Variants in MAN2B2 observed in about 807,000 individuals in gnomAD.
The protein encoded by MAN2B2 is mannosidase alpha class 2B member 2.
A neutral mutation model predicts 117.1 loss-of-function variants in MAN2B2; 106 were observed. That is an observed-to-expected ratio of 0.90 (90% CI 0.77 to 1.06). The LOEUF is 1.06. Ranked by LOEUF, MAN2B2 falls within the 50% of genes least tolerant of loss-of-function variation. MAN2B2 has a pLI of 0.00. For missense variants in MAN2B2, 1,326 were observed against 1,381.4 expected (o/e 0.96, Z 0.64); for synonymous variants, 544 against 595.1 (o/e 0.91, Z 1.25).
rs918094252 is a variant in MAN2B2 at position 6,594,576 on chromosome 4, A to C, written c.901A>C (p.Asn301His). The C allele has an allele frequency of 6.2e-7, 1 of 1,613,580 alleles. No individual in the cohort carries two copies. Among genetic ancestry groups the C allele is most frequent in the Non-Finnish European group, 8.5e-7 (1 of 1,180,040 alleles). Residue 301 changes from asparagine (N) to histidine (H), a missense_variant, in exon 7 of 19, where the codon AAC becomes CAC. Asn to His is a moderately conservative substitution (Grantham distance 68). Coordinates refer to ENST00000285599, the MANE Select transcript of MAN2B2 (RefSeq NM_015274.3). ...CTTCAATGCCTCGGTGCAGTTTGCC[A>C]ACATGGACCCGCTGCTGGACCACAT... Reference protein sequence around the residue: ...QFFNASVQFANMDPLLDHINS... With the variant: ...QFFNASVQFAHMDPLLDHINS...
chr4:6,609,694 G>A (rs975296190), intron 12 of MAN2B2, 104 bp from the exon 13 acceptor site: 58 of 1,329,298 alleles, frequency 4.4e-5, no homozygotes, highest in Non-Finnish European at 5.6e-5. Context: ...GCCTTTCGGC[G>A]TACCCTGCCC....
rs757099915 is a variant in MAN2B2, at chr4:6,598,259, C to A, written c.1310C>A (p.Thr437Lys). 6.2e-7 allele frequency: 1 copy of A among 1,613,774 alleles called. No homozygotes were observed. The highest frequency in any genetic ancestry group is 8.5e-7 in the Non-Finnish European group (1 of 1,180,034). ...ESPKVRDMYATHLASGMLGMR... is the reference protein window; with the variant it reads ...ESPKVRDMYAKHLASGMLGMR... The stretch of plus-strand genomic sequence containing the variant: ...CCCAAGGTGAGAGACATGTACGCAA[C>A]GCACCTGGCCTCGGGGATGCTGGGC... The change falls in exon 9 of 19, where the codon ACG becomes AAG. Residue 437 changes from threonine (T) to lysine (K), a missense_variant. By Grantham distance (78) the Thr-to-Lys change is moderately conservative (BLOSUM62 -1). Transcript: ENST00000285599.
At position 6,615,445 on chromosome 4, in the gene MAN2B2, G is replaced by A. The variant is rs930703046; in HGVS notation, c.2701+1090G>A. ...CAAACCTCTTGGCTTTTGTGATCTT[G>A]GGCAGTCATTCCCCTGTGCCATTCT... On this transcript the variant is annotated intron_variant, in intron 16 of 18. Coordinates refer to ENST00000285599, the MANE Select transcript of MAN2B2 (RefSeq NM_015274.3). Among the ~76,000 whole-genome samples, 3 of 152,000 alleles carry A rather than the reference G, an allele frequency of 2.0e-5. No individual in the cohort carries two copies. In the East Asian group the frequency reaches 5.8e-4, roughly 30 times the overall value.
Position 6,576,724 on chromosome 4 carries a change from G to T in MAN2B2, c.285G>T (p.Gln95His). The change falls in exon 2 of 19, where the codon CAG becomes CAT. Residue 95 changes from glutamine to histidine, a missense_variant and splice_region_variant. By Grantham distance (24) the Gln-to-His change is conservative. Coordinates refer to ENST00000285599, the MANE Select transcript of MAN2B2 (RefSeq NM_015274.3). ...DGVASDQQKY[Q>H]VRQLLEEGRL... ...TCGCCTCGGACCAGCAGAAATACCA[G>T]GTAATGAGGTCACCAGGTGACACAG... The T allele has an allele frequency of 6.2e-7, 1 of 1,613,754 alleles. No homozygotes were observed. Among genetic ancestry groups the T allele is most frequent in the Non-Finnish European group, 8.5e-7 (1 of 1,179,848 alleles).
intron 17 of MAN2B2, chr4:6,618,433 T>A (rs1712000445): frequency 6.6e-6 from 1 of 152,238 alleles, no homozygotes; most frequent in Non-Finnish European, 1.5e-5. Context: ...TACGGGGGCA[T>A]CTCCGGCACC....
Position 6,608,406 on chromosome 4 carries a change from C to T in MAN2B2, c.1815-701C>T, listed in dbSNP as rs1225132637. The stretch of plus-strand genomic sequence containing the variant: ...TGTCCGCCCACAGCCAGGCCAGACT[C>T]AGATACAAATACATCACTTGTGCAC... On this transcript the variant is annotated intron_variant, in intron 11 of 18. Coordinates refer to ENST00000285599, the MANE Select transcript of MAN2B2 (RefSeq NM_015274.3). Among the ~76,000 whole-genome samples, 5 of 152,334 alleles carry T rather than the reference C, an allele frequency of 3.3e-5. No individual in the cohort carries two copies. In the East Asian group the frequency reaches 9.6e-4, roughly 29 times the overall value.
At chr4:6,582,086 G>T (rs1450214638) in intron 3 of MAN2B2, among the ~76,000 whole-genome samples, 6 of 152,022 alleles carry the variant, frequency 3.9e-5, no homozygotes, top group Admixed American at 3.3e-4. Context: ...ATCCTGAGGG[G>T]AGAGAGCCCA....
intron 3 of MAN2B2, among the ~76,000 whole-genome samples, chr4:6,579,192 G>T (rs150724009): frequency 4.5e-3 from 23 of 5,116 alleles, no homozygotes; most frequent in South Asian, 0.016. Flanking sequence ...ACCATCACCA[G>T]CACCACCACC....
chr4:6,609,762 T>C (rs767036001), intron 12 of MAN2B2, 36 bp from the exon 13 acceptor site: 4 of 1,385,634 alleles, frequency 2.9e-6, no homozygotes, highest in African/African-American at 2.9e-5. Flanking sequence ...AGAAGGTTCC[T>C]GGAGCTTCAC....
chr4:6,593,268 T>C lies in MAN2B2; in HGVS notation c.776T>C (p.Ile259Thr), dbSNP rs1233128813. The C allele has an allele frequency of 1.2e-6, 2 of 1,613,956 alleles. No homozygotes were observed. The highest frequency in any genetic ancestry group is 3.3e-5 in the Admixed American group (2 of 60,008). The change falls in exon 6 of 19, where the codon ATC (isoleucine) becomes ACC (threonine). Residue 259 changes from isoleucine (I) to threonine (T), a missense_variant. By Grantham distance (89) the Ile-to-Thr change is moderately conservative. Transcript: ENST00000285599. ...AGTGAGCCTGTCACCCCAGCCAACA[T>C]CAACCTCTATGCCGAGGCCCTGGTG... ...NMSEPVTPAN[I>T]NLYAEALVAN...
At chr4:6,591,575 G>C (rs1260987090) in intron 5 of MAN2B2, among the ~76,000 whole-genome samples, 2 of 152,196 alleles carry the variant, frequency 1.3e-5, no homozygotes, top group East Asian at 1.9e-4. Context: ...GGTGCAGCTG[G>C]TCTGACTGAT....
intron 3 of MAN2B2, among the ~76,000 whole-genome samples, chr4:6,579,516 A>G: frequency 6.8e-6 from 1 of 147,868 alleles, no homozygotes; most frequent in African/African-American, 2.6e-5. Context: ...CATAACTACC[A>G]TCACCACCAC....
chr4:6,581,909 G>A (rs952162543), intron 3 of MAN2B2, among the ~76,000 whole-genome samples: 1 of 152,058 alleles, frequency 6.6e-6, no homozygotes, highest in African/African-American at 2.4e-5. Flanking sequence ...GAGGGGAAAA[G>A]CATTTGTTCC....
rs1227741363 is a variant in MAN2B2 at position 6,602,838 on chromosome 4, T to C, written c.1539+2082T>C. ...GGTGCACACCACCATACATGGCTAA[T>C]TTTTTTGTTTGTTTTTTGGTAGAGG... On this transcript the variant is annotated intron_variant, in intron 10 of 18. Coordinates refer to ENST00000285599, the MANE Select transcript of MAN2B2 (RefSeq NM_015274.3). Among the ~76,000 whole-genome samples, 4 of 152,070 alleles carry C rather than the reference T, an allele frequency of 2.6e-5. No individual in the cohort carries two copies. In the East Asian group the frequency reaches 7.7e-4, roughly 29 times the overall value.
At position 6,600,700 on chromosome 4, in the gene MAN2B2, G is replaced by T. The variant is rs375460580; in HGVS notation, c.1483G>T (p.Val495Phe). 1 of 1,613,928 alleles carries T rather than the reference G, an allele frequency of 6.2e-7. No homozygotes were observed. Among genetic ancestry groups the T allele is most frequent in the African/African-American group, 1.3e-5 (1 of 74,944 alleles). ...GGTCACCACCATCGTCACCCTGACT[G>T]TTGGTTTCCCTGGAGTCCGCGTCAC... ...WTVTTIVTLTVGFPGVRVTDE... is the reference protein window; with the variant it reads ...WTVTTIVTLTFGFPGVRVTDE... The change falls in exon 10 of 19, where the codon GTT becomes TTT. Residue 495 changes from valine (V) to phenylalanine (F), a missense_variant. Transcript: ENST00000285599.
chr4:6,619,927 G>T lies in MAN2B2; in HGVS notation c.2815G>T (p.Ala939Ser), dbSNP rs1193390836. 2 of 1,612,312 alleles carry T rather than the reference G, an allele frequency of 1.2e-6. No homozygotes were observed. The highest frequency in any genetic ancestry group is 3.3e-5 in the Admixed American group (2 of 60,004). The change falls in exon 18 of 19, where the codon GCT (alanine) becomes TCT (serine). Residue 939 changes from alanine to serine, a missense_variant and splice_region_variant. Ala to Ser is a moderately conservative substitution (Grantham distance 99). Coordinates refer to ENST00000285599, the MANE Select transcript of MAN2B2 (RefSeq NM_015274.3). ...LSQPVTVNLEAVLQALGSVVA... is the reference protein window; with the variant it reads ...LSQPVTVNLESVLQALGSVVA... The stretch of plus-strand genomic sequence containing the variant: ...TCTCCCTCTGCTCCTCTCCCTGCAG[G>T]CTGTGCTGCAGGCGCTGGGGTCCGT...
At chr4:6,604,615 G>T (rs548324017) in intron 10 of MAN2B2, among the ~76,000 whole-genome samples, 83 of 152,200 alleles carry the variant, frequency 5.5e-4, no homozygotes, top group African/African-American at 2.0e-3. Flanking sequence ...GCAGGGAGCA[G>T]ATTTGGGTGG....
At chr4:6,615,498 A>T (rs12512982) in intron 16 of MAN2B2, among the ~76,000 whole-genome samples, 2 of 151,852 alleles carry the variant, frequency 1.3e-5, no homozygotes, top group African/African-American at 2.4e-5. Context: ...TAGCCCCATG[A>T]TAGCTTCTTA....
intron 15 of MAN2B2, among the ~76,000 whole-genome samples, chr4:6,613,785 AAAG>A (rs925295325): frequency 4.1e-5 from 6 of 147,488 alleles, no homozygotes; most frequent in African/African-American, 1.3e-4. Flanking sequence ...GGAAGGAAGG[AAAG>A]AAGGAAGAAA....
Sources: allele counts gnomAD v4.1 joint callset (sites outside exome capture counted in the v4.1 genomes callset), GRCh38; gene constraint gnomAD v4.1.1; transcripts MANE v1.5; gene names NCBI Gene and HGNC (gene_info 2026-07-23, HGNC 2026-07-21).